PCDHGA2: variants seen among roughly 807,000 people sequenced by gnomAD.
The protein encoded by PCDHGA2 is protocadherin gamma subfamily A, 2.
A neutral mutation model predicts 59.2 loss-of-function variants in PCDHGA2; 40 were observed. The observed-to-expected ratio is 0.68, with a 90% CI of 0.52 to 0.88. The LOEUF (loss-of-function observed/expected upper bound fraction) is 0.88, where lower values mean the gene tolerates loss of function less well. Ranked by LOEUF, PCDHGA2 falls within the 40% of genes least tolerant of loss-of-function variation. The pLI is 0.00. For missense variants in PCDHGA2, 1,226 were observed against 1,204.0 expected (o/e 1.02, Z -0.27); for synonymous variants, 560 against 526.0 (o/e 1.06, Z -0.89).
At chr5:141,400,538 A>G (rs994052728) in intron 1 of PCDHGA2, 1 of 1,613,662 alleles carries the variant, frequency 6.2e-7, no homozygotes, top group African/African-American at 1.3e-5. Context: ...AGTTTCATTT[A>G]TGTCTATTCT....
At chr5:141,393,718 C>A in intron 1 of PCDHGA2, 2 of 1,613,644 alleles carry the variant, frequency 1.2e-6, no homozygotes, top group Non-Finnish European at 1.7e-6. Flanking sequence ...GGGGAAATAT[C>A]AATAGCAAAA....
chr5:141,485,961 A>G lies in PCDHGA2; in HGVS notation c.2425-8846A>G. Reference sequence around the variant, plus strand: ...GCACCAGCGGGCATGGTGCTCATCCAGCTCAATGCCTCAGACCCGGACCTG... The same window carrying G: ...GCACCAGCGGGCATGGTGCTCATCCGGCTCAATGCCTCAGACCCGGACCTG... On this transcript the variant is annotated intron_variant, in intron 1 of 3. Coordinates refer to ENST00000394576, the MANE Select transcript of PCDHGA2 (RefSeq NM_018915.4). This position sits in a 1 kb window ranked among gnomAD's most constrained non-coding sequence, Gnocchi z 5.7. 1 of 1,614,204 alleles carries G rather than the reference A, an allele frequency of 6.2e-7. No individual in the cohort carries two copies. Among genetic ancestry groups the G allele is most frequent in the Non-Finnish European group, 8.5e-7 (1 of 1,180,028 alleles).
At chr5:141,345,734 C>T (rs892194707) in intron 1 of PCDHGA2, 6 of 1,614,206 alleles carry the variant, frequency 3.7e-6, no homozygotes, top group Non-Finnish European at 8.5e-7. Context: ...ACCCCGCCCT[C>T]CCCACAGACG....
chr5:141,409,165 G>T (rs2095233723), intron 1 of PCDHGA2: 1 of 1,613,886 alleles, frequency 6.2e-7, no homozygotes, highest in Admixed American at 1.7e-5. Flanking sequence ...AAGTGGAAGC[G>T]AAGGACGGAG....
intron 1 of PCDHGA2, chr5:141,405,407 CTT>C (rs762612492): frequency 6.3e-7 from 1 of 1,581,924 alleles, no homozygotes; most frequent in African/African-American, 1.4e-5. Flanking sequence ...TCTTTCTTTT[CTT>C]TTTTTGTTTT....
At chr5:141,343,410 C>T in intron 1 of PCDHGA2, 2 of 972,148 alleles carry the variant, frequency 2.1e-6, no homozygotes, top group Non-Finnish European at 2.4e-6. Context: ...TATCAAATAA[C>T]CCTGATAAAT....
chr5:141,423,185 C>T (rs996177363), intron 1 of PCDHGA2: 7 of 1,613,492 alleles, frequency 4.3e-6, no homozygotes, highest in Non-Finnish European at 5.9e-6. Context: ...CACGGCCAGC[C>T]CCCTCTCTCG....
rs999687684 is a variant in PCDHGA2, at chr5:141,431,598, C to T, written c.2425-63209C>T. 1 of 1,614,192 alleles carries T rather than the reference C, an allele frequency of 6.2e-7. No homozygotes were observed. The highest frequency in any genetic ancestry group is 8.5e-7 in the Non-Finnish European group (1 of 1,180,046). ...GGAGTCAATGCGGAAGTGAGGTATT[C>T]CTTCCGGTATGTGGACGACAAGGCG... is the stretch of plus-strand genomic sequence containing the variant. On this transcript the variant is annotated intron_variant, in intron 1 of 3. Coordinates refer to ENST00000394576, the MANE Select transcript of PCDHGA2 (RefSeq NM_018915.4). This position sits in a 1 kb window ranked among gnomAD's most constrained non-coding sequence, Gnocchi z 4.8.
rs749769645 is a variant in PCDHGA2, at chr5:141,376,049, G to A, written c.2424+34654G>A. On this transcript the variant is annotated intron_variant, in intron 1 of 3. Transcript: ENST00000394576. ...GGACCACGGCCAGCCCCCTCTCTCCGCCACTGTCACGCTCACCGTGGCCGT... is the reference window on the plus strand; with the variant it reads ...GGACCACGGCCAGCCCCCTCTCTCCACCACTGTCACGCTCACCGTGGCCGT... The A allele has an allele frequency of 1.9e-5, 31 of 1,613,116 alleles. No homozygotes were observed. The highest frequency in any genetic ancestry group is 2.2e-5 in the East Asian group (1 of 44,870).
intron 1 of PCDHGA2, among the ~76,000 whole-genome samples, chr5:141,444,152 ATTTTTTTTTTTTTTTTTT>A (rs747671382): frequency 4.1e-4 from 14 of 33,898 alleles, no homozygotes; most frequent in South Asian, 2.1e-3. Flanking sequence ...TGTGTACTGG[ATTTTTTTTTTTTTTTTTT>A]TTTTTTTTTT....
chr5:141,431,012 G>A lies in PCDHGA2; in HGVS notation c.2425-63795G>A. On this transcript the variant is annotated intron_variant, in intron 1 of 3. Coordinates refer to ENST00000394576, the MANE Select transcript of PCDHGA2 (RefSeq NM_018915.4). This position sits in a 1 kb window ranked among gnomAD's most constrained non-coding sequence, Gnocchi z 4.8. The stretch of plus-strand genomic sequence containing the variant: ...CCTGAATCCGCGCAGCGGCAGCTTG[G>A]TCACGGCGGGCAGGATAGACCGGGA... 1 of 1,613,314 alleles carries A rather than the reference G, an allele frequency of 6.2e-7. No individual in the cohort carries two copies. Among genetic ancestry groups the A allele is most frequent in the South Asian group, 1.1e-5 (1 of 91,076 alleles).
In PCDHGA2 at chr5:141,489,456, G is replaced by A. The variant is rs1468723020; in HGVS notation, c.2425-5351G>A. The A allele has an allele frequency of 1.2e-6, 2 of 1,614,050 alleles. No homozygotes were observed. Among genetic ancestry groups the A allele is most frequent in the Non-Finnish European group, 1.7e-6 (2 of 1,180,016 alleles). ...TGCAATTGGGCTCTGAGGAGAATGG[G>A]CGCTATTTTTCCCTGAGCTTGATGA... On this transcript the variant is annotated intron_variant, in intron 1 of 3. Transcript: ENST00000394576. This position sits in a 1 kb window ranked among gnomAD's most constrained non-coding sequence, Gnocchi z 4.5.
intron 1 of PCDHGA2, chr5:141,389,352 A>G (rs758141313): frequency 7.4e-6 from 12 of 1,613,628 alleles, no homozygotes; most frequent in Admixed American, 1.7e-5. Flanking sequence ...TTACTGCATC[A>G]TGGCCAGTGA....
chr5:141,364,224 C>T (rs538812851), intron 1 of PCDHGA2: 29 of 1,356,016 alleles, frequency 2.1e-5, no homozygotes, highest in Admixed American at 6.0e-5. Context: ...GAAAAGCCAA[C>T]GCTCCACGCC....
In PCDHGA2 at chr5:141,350,025, GA is replaced by G. The variant is rs567824842; in HGVS notation, c.2424+8631del. 116 of 371,848 alleles carry G rather than the reference GA, an allele frequency of 3.1e-4. 2 individuals carry two copies. The South Asian group carries it at 0.012, about 40-fold the overall frequency. The allele number at this position is 371,848 out of a possible 1,614,324, so 23.0% of individuals were successfully genotyped here. On this transcript the variant is annotated intron_variant, in intron 1 of 3. Transcript: ENST00000394576. ...AGCTGGGCCCTGTGCAGTTTTCCAA[GA>G]CAACCTCTGGGCGCCGCTGTCGACC...
rs562872139 is a variant in PCDHGA2 at position 141,408,923 on chromosome 5, G to A, written c.2424+67528G>A. The A allele has an allele frequency of 5.6e-6, 9 of 1,613,488 alleles. No individual in the cohort carries two copies. The African/African-American group carries it at 1.1e-4, about 19-fold the overall frequency. ...CAAGGATACCAATGATAACCCCCCG[G>A]TTTTCAGCAGAGACGAATATAGAAT... On this transcript the variant is annotated intron_variant, in intron 1 of 3. Coordinates refer to ENST00000394576, the MANE Select transcript of PCDHGA2 (RefSeq NM_018915.4).
At position 141,374,383 on chromosome 5, in the gene PCDHGA2, G is replaced by A. The variant is rs192911480; in HGVS notation, c.2424+32988G>A. On this transcript the variant is annotated intron_variant, in intron 1 of 3. Transcript: ENST00000394576. ...GCGAGGAGCTCTGTGCTCAGAGCCC[G>A]CGGTGTCTGGTGAGTTTTAACATCC... is the stretch of plus-strand genomic sequence containing the variant. 3.7e-6 allele frequency: 6 copies of A among 1,614,036 alleles called. No homozygotes were observed. In the African/African-American group the frequency reaches 8.0e-5, roughly 22 times the overall value.
In PCDHGA2 at chr5:141,485,470, T is replaced by C; in HGVS notation, c.2425-9337T>C. ...ACCGAGAGGCACTGTGTGGGCTCAG[T>C]GCCAGCTGCATCGTGCCCCTGGAGT... On this transcript the variant is annotated intron_variant, in intron 1 of 3. Coordinates refer to ENST00000394576, the MANE Select transcript of PCDHGA2 (RefSeq NM_018915.4). This position sits in a 1 kb window ranked among gnomAD's most constrained non-coding sequence, Gnocchi z 5.7. 1.9e-6 allele frequency: 3 copies of C among 1,614,110 alleles called. No individual in the cohort carries two copies. The highest frequency in any genetic ancestry group is 2.5e-6 in the Non-Finnish European group (3 of 1,180,002).
At position 141,511,246 on chromosome 5, in the gene PCDHGA2, G is replaced by A; in HGVS notation, c.*73G>A. 2 of 1,578,734 alleles carry A rather than the reference G, an allele frequency of 1.3e-6. No homozygotes were observed. Among genetic ancestry groups the A allele is most frequent in the Non-Finnish European group, 1.7e-6 (2 of 1,162,472 alleles). On this transcript the variant is annotated 3_prime_UTR_variant, in exon 4 of 4. Coordinates refer to ENST00000394576, the MANE Select transcript of PCDHGA2 (RefSeq NM_018915.4). The stretch of plus-strand genomic sequence containing the variant: ...CCAGCTTCTCCTTACCTGCACCCAG[G>A]CCTCAGAGTTTCAGGGCTAACCCCC...
Sources: gnomAD v4.1 joint callset for allele counts (sites outside exome capture counted in the v4.1 genomes callset) on GRCh38, gnomAD v4.1.1 for gene constraint, Gnocchi (gnomAD v3.1) non-coding constraint, MANE v1.5 for transcripts, NCBI Gene and HGNC (gene_info 2026-07-23, HGNC 2026-07-21) for gene names.